Variants in NFE2 observed in about 807,000 individuals in gnomAD.
NFE2 encodes transcription factor NF-E2 45 kDa subunit.
Under a neutral mutation model 25.8 loss-of-function variants are expected in NFE2, and 13 were observed. The observed-to-expected ratio is 0.50, with a 90% CI of 0.33 to 0.80. NFE2 has a LOEUF of 0.80. Among genes scored for constraint, NFE2 ranks in the 30% least tolerant of loss-of-function variants. The pLI, the probability that NFE2 is intolerant of heterozygous loss-of-function variation, is 0.02. For synonymous variants in NFE2, 204 were observed against 200.2 expected, an observed-to-expected ratio of 1.02 and a Z score of -0.16; for missense variants, 382 against 478.9, an observed-to-expected ratio of 0.80 and a Z score of 1.89.
At chr12:54,293,938 T>G (rs1332197176) in intron 2 of NFE2, among the ~76,000 whole-genome samples, 1 of 152,058 alleles carries the variant, frequency 6.6e-6, no homozygotes, top group Non-Finnish European at 1.5e-5. Flanking sequence ...GGAACAATTA[T>G]GAACTCTCCT....
chr12:54,297,374 A>C (rs1474482995), intron 1 of NFE2, among the ~76,000 whole-genome samples: 5 of 150,312 alleles, frequency 3.3e-5, no homozygotes, highest in Non-Finnish European at 5.9e-5. Flanking sequence ...AAAAAAAAAA[A>C]AAAAAACGGC....
rs1944330576 is a variant in NFE2, at chr12:54,292,830, T to C, written c.666A>G (p.Ala222=). 1 of 1,614,078 alleles carries C rather than the reference T, an allele frequency of 6.2e-7. No individual in the cohort carries two copies. Among genetic ancestry groups the C allele is most frequent in the Non-Finnish European group, 8.5e-7 (1 of 1,180,034 alleles). The change falls in exon 3 of 3, where the codon GCA becomes GCG. Residue 222 remains alanine (A), a synonymous_variant. Transcript: ENST00000435572. ...AGGCCCGACGTTCATCCCGACTCCC[T>C]GCCTCCCCCCGTGCAGTGGGCTTAG... ...VRAKPTARGE[A]GSRDERRALA...
rs757225558 is a variant in NFE2 at position 54,292,546 on chromosome 12, C to T, written c.950G>A (p.Arg317Gln). The part of the protein sequence containing the change: ...RLLRARGEAD[R>Q]TLEVMRQQLT... ...CTGTTGGCGCATGACCTCCAGGGTC[C>T]GGTCTGCCTCCCCGCGGGCCCTGAG... The change falls in exon 3 of 3, where the codon CGG (arginine) becomes CAG (glutamine). Residue 317 changes from arginine to glutamine, a missense_variant. By Grantham distance (43) the Arg-to-Gln change is conservative (BLOSUM62 1). Transcript: ENST00000435572. The T allele has an allele frequency of 5.0e-6, 8 of 1,614,054 alleles. No homozygotes were observed. In the Admixed American group the frequency reaches 1.2e-4, roughly 24 times the overall value.
chr12:54,293,246 C>G lies in NFE2; in HGVS notation c.250G>C (p.Glu84Gln). The G allele has an allele frequency of 6.2e-7, 1 of 1,611,386 alleles. No homozygotes were observed. The highest frequency in any genetic ancestry group is 8.5e-7 in the Non-Finnish European group (1 of 1,178,768). ...SGFPLPPPPY[E>Q]LPASTSHVPD... ...ACATGGGATGTGGATGCTGGGAGCTCATAAGGTGGTGGAGGAAGTGGGAAG... is the reference window on the plus strand; with the variant it reads ...ACATGGGATGTGGATGCTGGGAGCTGATAAGGTGGTGGAGGAAGTGGGAAG... The change falls in exon 3 of 3, where the codon GAG (glutamate) becomes CAG (glutamine). Residue 84 changes from glutamate (E) to glutamine (Q), a missense_variant. Coordinates refer to ENST00000435572, the MANE Select transcript of NFE2 (RefSeq NM_001136023.3).
Position 54,292,397 on chromosome 12 carries a change from TC to T in NFE2, c.1098del (p.Thr367ProfsTer25). The T allele has an allele frequency of 3.1e-6, 5 of 1,613,830 alleles. No individual in the cohort carries two copies. Among genetic ancestry groups the T allele is most frequent in the Non-Finnish European group, 4.2e-6 (5 of 1,179,776 alleles). Reference protein sequence around the residue: ...ADGTIFLVPRGTKMEATD With the variant: ...ADGTIFLVPRXTKMEATD ...GCTCAGTCTGTGGCCTCCATCTTGG[TC>T]CCCCGGGGCACAAGGAAGATGGTCC... On this transcript the variant is annotated frameshift_variant, in exon 3 of 3. Coordinates refer to ENST00000435572, the MANE Select transcript of NFE2 (RefSeq NM_001136023.3). LOFTEE classifies it high-confidence loss of function.
At chr12:54,297,361 A>AAAAAAAAAAAAAAC (rs1478798755) in intron 1 of NFE2, among the ~76,000 whole-genome samples, 1 of 147,616 alleles carries the variant, frequency 6.8e-6, no homozygotes, top group African/African-American at 2.5e-5. Context: ...TGTCTCAAAA[A>AAAAAAAAAAAAAAC]AAAAAAAAAA....
At chr12:54,296,704 C>T (rs1158242256) in intron 1 of NFE2, among the ~76,000 whole-genome samples, 3 of 152,150 alleles carry the variant, frequency 2.0e-5, no homozygotes, top group African/African-American at 7.2e-5. Flanking sequence ...TTCTTTTGAC[C>T]TGGGTTCTAG....
intron 1 of NFE2, among the ~76,000 whole-genome samples, chr12:54,296,306 A>G (rs983453229): frequency 6.6e-6 from 1 of 151,390 alleles, no homozygotes; most frequent in Non-Finnish European, 1.5e-5. Context: ...GCTACTCGGG[A>G]AGCTGAGGCA....
chr12:54,296,183 G>A (rs971833848), intron 1 of NFE2, among the ~76,000 whole-genome samples: 1 of 152,120 alleles, frequency 6.6e-6, no homozygotes, highest in African/African-American at 2.4e-5. Flanking sequence ...AAGGCAGGTG[G>A]ATCACCTGAG....
chr12:54,295,206 G>A lies in NFE2; in HGVS notation c.43C>T (p.Gln15Ter). 2 of 1,614,146 alleles carry A rather than the reference G, an allele frequency of 1.2e-6. No homozygotes were observed. Among genetic ancestry groups the A allele is most frequent in the Non-Finnish European group, 1.7e-6 (2 of 1,180,016 alleles). The change falls in exon 2 of 3, where the codon CAG becomes TAG. Residue 15 changes from glutamine (Q) to a stop codon, truncating the protein, a stop_gained. Coordinates refer to ENST00000435572, the MANE Select transcript of NFE2 (RefSeq NM_001136023.3). LOFTEE classifies it high-confidence loss of function. ...PPQQSRNRVI[Q>*]LSTSELGEME... ...TCTCCTAGCTCTGAAGTGGACAGCT[G>A]TATCACCCTGTTCCTGCTCTGCTGG...
At chr12:54,295,627 A>G (rs1415525421) in intron 1 of NFE2, 1 of 190,198 alleles carries the variant, frequency 5.3e-6, no homozygotes, top group East Asian at 1.6e-4. Flanking sequence ...GCAGAGTCAG[A>G]TCTTCTGTTT....
At position 54,295,162 on chromosome 12, in the gene NFE2, C is replaced by T. The variant is rs751166631; in HGVS notation, c.87G>A (p.Gln29=). ...SELGEMELTW[Q]EIMSITELQG... is the part of the protein sequence containing the mutation. ...GCAGCTCGGTGATGGACATGATCTCCTGCCAAGTCAGTTCCATCTCTCCTA... is the reference window on the plus strand; with the variant it reads ...GCAGCTCGGTGATGGACATGATCTCTTGCCAAGTCAGTTCCATCTCTCCTA... The change falls in exon 2 of 3, where the codon CAG becomes CAA. Residue 29 remains glutamine, a synonymous_variant. Coordinates refer to ENST00000435572, the MANE Select transcript of NFE2 (RefSeq NM_001136023.3). 1 of 1,614,090 alleles carries T rather than the reference C, an allele frequency of 6.2e-7. No homozygotes were observed. Among genetic ancestry groups the T allele is most frequent in the South Asian group, 1.1e-5 (1 of 91,078 alleles).
At chr12:54,298,224 C>G (rs1381266515) in intron 1 of NFE2, among the ~76,000 whole-genome samples, 1 of 152,054 alleles carries the variant, frequency 6.6e-6, no homozygotes. Flanking sequence ...GATACAAGAC[C>G]TTGCTACGCA....
At position 54,293,303 on chromosome 12, in the gene NFE2, A is replaced by G; in HGVS notation, c.193T>C (p.Tyr65His). The G allele has an allele frequency of 6.2e-7, 1 of 1,607,028 alleles. No homozygotes were observed. Among genetic ancestry groups the G allele is most frequent in the Non-Finnish European group, 8.5e-7 (1 of 1,176,016 alleles). The change falls in exon 3 of 3, where the codon TAC (tyrosine) becomes CAC (histidine). Residue 65 changes from tyrosine to histidine, a missense_variant. Transcript: ENST00000435572. The part of the protein sequence containing the change: ...PYLGPPPPTT[Y>H]CPCSIHPDSG... ...TCTGGGTGGATTGAGCAGGGGCAGT[A>G]AGTTGTGGGTGGTGGAGGTCCAAGG...
In NFE2 at chr12:54,293,309, TG is replaced by T; in HGVS notation, c.186del (p.Thr63GlnfsTer48). On this transcript the variant is annotated frameshift_variant, in exon 3 of 3. Transcript: ENST00000435572. LOFTEE classifies it high-confidence loss of function. The part of the protein sequence containing the change: ...APAPYLGPPP[P>X]TTYCPCSIHP... ...TGGATTGAGCAGGGGCAGTAAGTTG[TG>T]GGTGGTGGAGGTCCAAGGTATGGAG... The T allele has an allele frequency of 6.2e-7, 1 of 1,603,712 alleles. No homozygotes were observed. Among genetic ancestry groups the T allele is most frequent in the Non-Finnish European group, 8.5e-7 (1 of 1,174,000 alleles).
chr12:54,296,409 CAAA>C (rs372037870), intron 1 of NFE2, among the ~76,000 whole-genome samples: 10 of 86,948 alleles, frequency 1.2e-4, no homozygotes, highest in African/African-American at 1.7e-4. Flanking sequence ...GACTATGTCT[CAAA>C]AAAAAAAAAA....
chr12:54,300,531 C>T (rs375778725), intron 1 of NFE2, among the ~76,000 whole-genome samples: 42 of 152,234 alleles, frequency 2.8e-4, no homozygotes, highest in Admixed American at 1.6e-3. Flanking sequence ...AGCCCCTCAG[C>T]GGTGCCTTGC....
At position 54,293,146 on chromosome 12, in the gene NFE2, C is replaced by A; in HGVS notation, c.350G>T (p.Ser117Ile). 6.5e-7 allele frequency: 1 copy of A among 1,532,532 alleles called. No homozygotes were observed. The highest frequency in any genetic ancestry group is 8.8e-7 in the Non-Finnish European group (1 of 1,139,210). The allele number at this position is 1,532,532 out of a possible 1,614,324, so 94.9% of individuals were successfully genotyped here. ...GGCTAAGGGGTCTTGGAGCGGCTCA[C>A]TGAGCAGGCCTGAGAGGCTCAGTGG... ...SKPLSLSGLL[S>I]EPLQDPLALL... Residue 117 changes from serine (S) to isoleucine (I), a missense_variant, in exon 3 of 3, where the codon AGT becomes ATT. Ser to Ile is a moderately radical substitution (Grantham distance 142, BLOSUM62 -2). Coordinates refer to ENST00000435572, the MANE Select transcript of NFE2 (RefSeq NM_001136023.3).
Position 54,295,288 on chromosome 12 carries a change from C to T in NFE2, c.-40G>A, listed in dbSNP as rs1256001409. 6.4e-7 allele frequency: 1 copy of T among 1,551,676 alleles called. No homozygotes were observed. Among genetic ancestry groups the T allele is most frequent in the South Asian group, 1.1e-5 (1 of 89,558 alleles). On this transcript the variant is annotated 5_prime_UTR_variant, in exon 2 of 3. Transcript: ENST00000435572. ...GTCTGGTCCAGGTTCCCGGAAAGCC[C>T]AGATGGCTCTAGAAACCTGTGTCAA...
Sources: gnomAD v4.1 joint callset for allele counts (sites outside exome capture counted in the v4.1 genomes callset) on GRCh38, gnomAD v4.1.1 for gene constraint, MANE v1.5 for transcripts, NCBI Gene and HGNC (gene_info 2026-07-23, HGNC 2026-07-21) for gene names.